Variants in OXR1 observed in about 807,000 individuals in gnomAD.
OXR1 encodes the protein oxidation resistance 1.
In OXR1, 41 loss-of-function variants were observed where a neutral mutation model predicts 104.6. The observed-to-expected ratio is 0.39, with a 90% CI of 0.31 to 0.51. The LOEUF is 0.51. OXR1 is among the 20% of genes least tolerant of loss of function. The pLI, the probability that OXR1 is intolerant of heterozygous loss-of-function variation, is 0.77. For synonymous variants in OXR1, 348 were observed against 348.4 expected (o/e 1.00, Z 0.01); for missense variants, 955 against 1,031.9 (o/e 0.93, Z 1.02).
At chr8:106,291,112 C>T (rs989933327) in intron 1 of OXR1, among the ~76,000 whole-genome samples, 7 of 151,916 alleles carry the variant, frequency 4.6e-5, no homozygotes, top group Admixed American at 1.3e-4. Context: ...ACTATGCAGC[C>T]ATAAAAAAAT....
intron 2 of OXR1, among the ~76,000 whole-genome samples, chr8:106,418,760 C>T (rs1586624337): frequency 1.3e-5 from 2 of 152,044 alleles, no homozygotes; most frequent in Non-Finnish European, 2.9e-5. Flanking sequence ...TTTGAACCTA[C>T]CTCCAGACCT....
In OXR1 at chr8:106,360,796, G is replaced by A. The variant is rs559215989; in HGVS notation, c.23+1160G>A. 7.9e-5 allele frequency among the ~76,000 whole-genome samples: 12 copies of A among 152,210 alleles called. No individual in the cohort carries two copies. In the South Asian group the frequency reaches 2.5e-3, roughly 32 times the overall value. On this transcript the variant is annotated intron_variant, in intron 2 of 16. Coordinates refer to ENST00000517566, the MANE Select transcript of OXR1 (RefSeq NM_001198533.2). ...AACCTGTGAGTCATTTTGAGCTCCT[G>A]GGAGACCTTGACACGTTTCCTTAAA...
chr8:106,413,147 A>T (rs9694895), intron 2 of OXR1, among the ~76,000 whole-genome samples: 50,930 of 151,476 alleles, frequency 0.34, 9,264 homozygotes, highest in East Asian at 0.7. Flanking sequence ...AGAAAAAAAA[A>T]ATATATATAG....
At chr8:106,331,944 A>G (rs1814731401) in intron 1 of OXR1, among the ~76,000 whole-genome samples, 1 of 151,728 alleles carries the variant, frequency 6.6e-6, no homozygotes, top group African/African-American at 2.4e-5. Context: ...TCAAAAAAAA[A>G]AATGATAATT....
chr8:106,419,126 T>G (rs1166900621), intron 2 of OXR1, among the ~76,000 whole-genome samples: 5 of 152,124 alleles, frequency 3.3e-5, no homozygotes, highest in African/African-American at 1.2e-4. Context: ...GCATGTAATG[T>G]TTTGGGAAAT....
intron 3 of OXR1, among the ~76,000 whole-genome samples, chr8:106,679,009 T>C (rs1316494148): frequency 6.6e-6 from 1 of 152,050 alleles, no homozygotes; most frequent in Non-Finnish European, 1.5e-5. Context: ...TGGTTCATAC[T>C]AGTTAAGTTC....
At position 106,294,409 on chromosome 8, in the gene OXR1, A is replaced by AAAAAG. The variant is rs1190971702; in HGVS notation, c.-139+24046_-139+24047insGAAAA. ...AGACTCTGTCTCAAAAAAAAAAAAA[A>AAAAAG]AAAAAAGAAAGAAAGAAATACCTGA... On this transcript the variant is annotated intron_variant, in intron 1 of 16. Coordinates refer to ENST00000517566, the MANE Select transcript of OXR1 (RefSeq NM_001198533.2). 2.5e-3 allele frequency among the ~76,000 whole-genome samples: 376 copies of AAAAAG among 149,008 alleles called. 2 individuals carry two copies. Among genetic ancestry groups the AAAAAG allele is most frequent in the Non-Finnish European group, 4.1e-3 (274 of 67,362 alleles).
chr8:106,504,054 G>T (rs1811992626), intron 2 of OXR1, among the ~76,000 whole-genome samples: 2 of 152,164 alleles, frequency 1.3e-5, no homozygotes, highest in South Asian at 2.1e-4. Flanking sequence ...GCTGATGCCA[G>T]CAAGTAAGAT....
chr8:106,555,949 C>T (rs1323298972), intron 3 of OXR1, among the ~76,000 whole-genome samples: 10 of 21,814 alleles, frequency 4.6e-4, no homozygotes, highest in East Asian at 0.011. Flanking sequence ...TATATATATA[C>T]ACAATGGAAT....
At chr8:106,662,334 G>A (rs1463866114) in intron 3 of OXR1, among the ~76,000 whole-genome samples, 1 of 152,136 alleles carries the variant, frequency 6.6e-6, no homozygotes, top group African/African-American at 2.4e-5. Flanking sequence ...GACATGTCAA[G>A]GAAAAACTAT....
At chr8:106,318,165 A>G (rs1160764952) in intron 1 of OXR1, among the ~76,000 whole-genome samples, 1 of 152,210 alleles carries the variant, frequency 6.6e-6, no homozygotes, top group Non-Finnish European at 1.5e-5. Flanking sequence ...TGATTATTAA[A>G]AAAAATCAAT....
At chr8:106,447,793 C>T (rs1225658787) in intron 2 of OXR1, 4 of 908,848 alleles carry the variant, frequency 4.4e-6, no homozygotes, top group Non-Finnish European at 6.2e-6. Flanking sequence ...TTGTACACAC[C>T]GAACGGCATA....
intron 2 of OXR1, among the ~76,000 whole-genome samples, chr8:106,388,015 T>G: frequency 6.6e-6 from 1 of 152,202 alleles, no homozygotes; most frequent in African/African-American, 2.4e-5. Context: ...GCTCATATGC[T>G]TTCCAGGGGT....
chr8:106,400,001 G>T (rs1470049333), intron 2 of OXR1, among the ~76,000 whole-genome samples: 1 of 152,016 alleles, frequency 6.6e-6, no homozygotes, highest in African/African-American at 2.4e-5. Context: ...ATGTGTTGTG[G>T]CCCTTCTGTT....
intron 2 of OXR1, among the ~76,000 whole-genome samples, chr8:106,469,399 C>A (rs2130673589): frequency 6.6e-6 from 1 of 151,868 alleles, no homozygotes; most frequent in Admixed American, 6.6e-5. Context: ...ACTTCTGATC[C>A]AATTGGTCAG....
At chr8:106,599,987 G>GGT (rs1480149881) in intron 3 of OXR1, among the ~76,000 whole-genome samples, 3 of 152,164 alleles carry the variant, frequency 2.0e-5, no homozygotes, top group Non-Finnish European at 4.4e-5. Flanking sequence ...TAATGCTGCC[G>GGT]GTGATCTGAC....
intron 1 of OXR1, among the ~76,000 whole-genome samples, chr8:106,320,118 A>G (rs1195320673): frequency 6.6e-6 from 1 of 152,202 alleles, no homozygotes; most frequent in African/African-American, 2.4e-5. Context: ...TAGCAAGACC[A>G]AATCTTCATT....
chr8:106,485,247 A>C (rs549583714), intron 2 of OXR1, among the ~76,000 whole-genome samples: 1 of 152,242 alleles, frequency 6.6e-6, no homozygotes, highest in East Asian at 1.9e-4. Flanking sequence ...TGTTGGATAC[A>C]CATCACTATA....
chr8:106,559,065 A>G (rs1816488455), intron 3 of OXR1, among the ~76,000 whole-genome samples: 1 of 152,178 alleles, frequency 6.6e-6, no homozygotes, highest in South Asian at 2.1e-4. Context: ...TAATCAGTGA[A>G]GAGAAACCAT....
Sources: gnomAD v4.1 joint callset for allele counts (sites outside exome capture counted in the v4.1 genomes callset) on GRCh38, gnomAD v4.1.1 for gene constraint, MANE v1.5 for transcripts, NCBI Gene and HGNC (gene_info 2026-07-23, HGNC 2026-07-21) for gene names.